GRID2: variants seen among roughly 807,000 people sequenced by gnomAD.
GRID2 encodes glutamate receptor ionotropic, delta-2.
In GRID2, 33 loss-of-function variants were observed where a neutral mutation model predicts 114.8. That is an observed-to-expected ratio of 0.29 (90% CI 0.22 to 0.38). The LOEUF is 0.38. GRID2 is among the 10% of genes least tolerant of loss of function. The pLI is 1.00. For missense variants in GRID2, 1,184 were observed against 1,257.7 expected (o/e 0.94, Z 0.89); for synonymous variants, 505 against 449.9 (o/e 1.12, Z -1.55).
intron 14 of GRID2, among the ~76,000 whole-genome samples, chr4:93,652,172 A>G (rs953054959): frequency 1.3e-5 from 2 of 152,130 alleles, no homozygotes; most frequent in Non-Finnish European, 2.9e-5. Flanking sequence ...GCCCTATCTA[A>G]TATGACTTGT....
intron 8 of GRID2, among the ~76,000 whole-genome samples, chr4:93,354,494 T>C (rs1255905870): frequency 6.6e-6 from 1 of 151,940 alleles, no homozygotes; most frequent in African/African-American, 2.4e-5. Flanking sequence ...GTAGAAAAGA[T>C]TGAGTGTTCC....
intron 13 of GRID2, among the ~76,000 whole-genome samples, chr4:93,526,608 G>A (rs1730927763): frequency 6.6e-6 from 1 of 152,250 alleles, no homozygotes; most frequent in South Asian, 2.1e-4. Context: ...TCAGGAGTTC[G>A]AGACCAGCCT....
At chr4:93,798,681 C>A (rs564741479) in intron 1 of GRID2, among the ~76,000 whole-genome samples, 1 of 152,318 alleles carries the variant, frequency 6.6e-6, no homozygotes, top group Admixed American at 6.5e-5. Context: ...GTGTTATTGA[C>A]AACACAGAAT....
chr4:92,331,094 A>C lies in GRID2; in HGVS notation c.88+26350A>C, dbSNP rs111436362. On this transcript the variant is annotated intron_variant, in intron 1 of 15. Coordinates refer to ENST00000282020, the MANE Select transcript of GRID2 (RefSeq NM_001510.4). Reference sequence around the variant, plus strand: ...TGTAGTTCATAGGAGATTGAGATGTATAAAGAATTGTTGCAAAACACAGAT... The same window carrying C: ...TGTAGTTCATAGGAGATTGAGATGTCTAAAGAATTGTTGCAAAACACAGAT... Among the ~76,000 whole-genome samples, 455 of 152,344 alleles carry C rather than the reference A, an allele frequency of 3.0e-3. 7 individuals carry two copies. The highest frequency in any genetic ancestry group is 0.01 in the African/African-American group (436 of 41,586).
chr4:93,169,137 A>G (rs1738546104), intron 4 of GRID2, among the ~76,000 whole-genome samples: 1 of 137,426 alleles, frequency 7.3e-6, no homozygotes, highest in Non-Finnish European at 1.5e-5. Context: ...TTTCAACACA[A>G]TGAAATACAC....
chr4:93,382,931 G>A (rs1439572229), intron 8 of GRID2, among the ~76,000 whole-genome samples: 1 of 151,418 alleles, frequency 6.6e-6, no homozygotes, highest in Non-Finnish European at 1.5e-5. Context: ...TCTAAATGTT[G>A]TAGACTAGAC....
rs777270484 is a variant in GRID2, at chr4:92,787,807, T to C, written c.244+197521T>C. ...TTACCATTATCCTGATAAGAGATGG[T>C]GCTGCCTCCTACGGTGATAGAAGAC... On this transcript the variant is annotated intron_variant, in intron 2 of 15. Transcript: ENST00000282020. Among the ~76,000 whole-genome samples the C allele has an allele frequency of 4.7e-4, 71 of 151,848 alleles. 1 individual carries two copies. The highest frequency in any genetic ancestry group is 1.3e-4 in the Non-Finnish European group (9 of 67,900).
chr4:93,654,816 T>C (rs1722868511), intron 14 of GRID2, among the ~76,000 whole-genome samples: 1 of 152,150 alleles, frequency 6.6e-6, no homozygotes, highest in Non-Finnish European at 1.5e-5. Context: ...GAGTATCACA[T>C]ACTTCCTTTC....
intron 13 of GRID2, among the ~76,000 whole-genome samples, chr4:93,572,153 T>C (rs1433535918): frequency 1.3e-5 from 2 of 152,174 alleles, no homozygotes; most frequent in Non-Finnish European, 2.9e-5. Context: ...CTTATTCATG[T>C]GTCAAACTTT....
chr4:92,340,442 C>G (rs1243890720), intron 1 of GRID2, among the ~76,000 whole-genome samples: 2 of 152,130 alleles, frequency 1.3e-5, no homozygotes, highest in Admixed American at 1.3e-4. Flanking sequence ...TGATTTGGCA[C>G]TTGCTTAATT....
chr4:93,173,926 G>A (rs185028857), intron 4 of GRID2, among the ~76,000 whole-genome samples: 1 of 152,212 alleles, frequency 6.6e-6, no homozygotes, highest in East Asian at 1.9e-4. Context: ...AACCAGCCTG[G>A]ATTTTTCTTT....
At chr4:93,131,751 T>C (rs1487090285) in intron 4 of GRID2, among the ~76,000 whole-genome samples, 1 of 152,154 alleles carries the variant, frequency 6.6e-6, no homozygotes. Context: ...CCTCAAACAT[T>C]AATCATTTCT....
At chr4:93,150,610 C>A (rs772573370) in intron 4 of GRID2, among the ~76,000 whole-genome samples, 3 of 151,992 alleles carry the variant, frequency 2.0e-5, no homozygotes, top group Non-Finnish European at 1.5e-5. Flanking sequence ...CCTGTTCTGG[C>A]CAGCTCTGCA....
At chr4:93,371,723 T>C (rs1762929818) in intron 8 of GRID2, among the ~76,000 whole-genome samples, 1 of 151,138 alleles carries the variant, frequency 6.6e-6, no homozygotes, top group Non-Finnish European at 1.5e-5. Context: ...TATATTGGTA[T>C]ATACATAATC....
At chr4:92,845,383 A>G (rs1049917239) in intron 2 of GRID2, among the ~76,000 whole-genome samples, 2 of 152,098 alleles carry the variant, frequency 1.3e-5, no homozygotes, top group South Asian at 4.1e-4. Flanking sequence ...TCTTTCATTC[A>G]TGAAATATCT....
intron 8 of GRID2, among the ~76,000 whole-genome samples, chr4:93,341,092 T>A (rs1759599441): frequency 6.6e-6 from 1 of 152,174 alleles, no homozygotes; most frequent in South Asian, 2.1e-4. Flanking sequence ...TACAGAAATC[T>A]TTCTTTTTTC....
At chr4:93,718,266 T>A (rs1729078195) in intron 14 of GRID2, among the ~76,000 whole-genome samples, 2 of 152,278 alleles carry the variant, frequency 1.3e-5, no homozygotes, top group Middle Eastern at 3.4e-3. Flanking sequence ...TACAAAAAAA[T>A]TATTTTCATT....
intron 8 of GRID2, among the ~76,000 whole-genome samples, chr4:93,308,422 T>C (rs1385429091): frequency 6.6e-6 from 1 of 152,166 alleles, no homozygotes; most frequent in Non-Finnish European, 1.5e-5. Flanking sequence ...ACAGCAGTTT[T>C]TTCTGAGTGT....
intron 3 of GRID2, among the ~76,000 whole-genome samples, chr4:93,101,653 T>G (rs1731719051): frequency 6.6e-6 from 1 of 152,112 alleles, no homozygotes; most frequent in Non-Finnish European, 1.5e-5. Context: ...ATAAACCATT[T>G]TAGTAGAGAG....
Sources: allele counts gnomAD v4.1 joint callset (sites outside exome capture counted in the v4.1 genomes callset), GRCh38; gene constraint gnomAD v4.1.1; transcripts MANE v1.5; gene names NCBI Gene and HGNC (gene_info 2026-07-23, HGNC 2026-07-21).